Variants in MBD5 observed in about 807,000 individuals in gnomAD.
The protein encoded by MBD5 is methyl-CpG-binding domain protein 5.
MBD5 carries 13 observed loss-of-function variants against 117.3 expected under a neutral mutation model. The ratio of observed to expected loss-of-function variants is 0.11; its 90% confidence interval spans 0.07 to 0.18. The LOEUF (loss-of-function observed/expected upper bound fraction) is 0.18, where lower values mean the gene tolerates loss of function less well. Ranked by LOEUF, MBD5 falls within the 10% of genes least tolerant of loss-of-function variation. The pLI is 1.00. For missense variants in MBD5, 1,879 were observed against 2,093.8 expected (o/e 0.90, Z 2.00); for synonymous variants, 727 against 766.4 (o/e 0.95, Z 0.85).
intron 8 of MBD5, among the ~76,000 whole-genome samples, chr2:148,476,860 T>C (rs1680981977): frequency 6.6e-6 from 1 of 152,116 alleles, no homozygotes; most frequent in Admixed American, 6.6e-5. Flanking sequence ...AGACTTCCAA[T>C]TGGAATATTG....
At chr2:148,199,621 T>C (rs544320613) in intron 2 of MBD5, among the ~76,000 whole-genome samples, 26 of 152,078 alleles carry the variant, frequency 1.7e-4, no homozygotes, top group African/African-American at 5.5e-4. Context: ...TAGCTTGGCA[T>C]TGTGGCTTAT....
intron 4 of MBD5, among the ~76,000 whole-genome samples, chr2:148,439,922 G>A (rs988933073): frequency 6.6e-6 from 1 of 151,910 alleles, no homozygotes; most frequent in South Asian, 2.1e-4. Context: ...AAAATTTTTT[G>A]TAGAAACAGG....
chr2:148,335,346 A>G (rs1434860444), intron 3 of MBD5, among the ~76,000 whole-genome samples: 1 of 151,876 alleles, frequency 6.6e-6, no homozygotes, highest in Non-Finnish European at 1.5e-5. Context: ...CCACCGCCAC[A>G]CTCCAGCCTA....
intron 4 of MBD5, among the ~76,000 whole-genome samples, chr2:148,424,204 A>AAAAC (rs1705705142): frequency 7.6e-6 from 1 of 131,602 alleles, no homozygotes; most frequent in African/African-American, 3.0e-5. Flanking sequence ...AAAAAAAAAA[A>AAAAC]AAAAAAAAAA....
chr2:148,222,252 G>T (rs940890573), intron 2 of MBD5, among the ~76,000 whole-genome samples: 1 of 151,896 alleles, frequency 6.6e-6, no homozygotes, highest in Non-Finnish European at 1.5e-5. Flanking sequence ...AATTTTCTGT[G>T]GTTCCATATA....
At position 148,468,744 on chromosome 2, in the gene MBD5, C is replaced by G. The variant is rs747135508; in HGVS notation, c.801C>G (p.His267Gln). 2 of 1,613,414 alleles carry G rather than the reference C, an allele frequency of 1.2e-6. No homozygotes were observed. The highest frequency in any genetic ancestry group is 2.2e-5 in the East Asian group (1 of 44,850). The change falls in exon 8 of 14, where the codon CAC becomes CAG. Residue 267 changes from histidine (H) to glutamine (Q), a missense_variant. His to Gln is a conservative substitution (Grantham distance 24, BLOSUM62 0). Around this residue, in one of 4 missense-constraint regions of MBD5, gnomAD observed 1,666 missense variants for 1,792.2 expected, o/e 0.93. Transcript: ENST00000642680. ...GAGCTCCCAATTCTAGTCCTATTCA[C>G]CTGAATAGGACTCCTCTTTCTCCAC... ...FHGAPNSSPI[H>Q]LNRTPLSPPS... is the part of the protein sequence containing the mutation.
intron 4 of MBD5, among the ~76,000 whole-genome samples, chr2:148,406,447 CT>C (rs910755896): frequency 6.6e-6 from 1 of 152,132 alleles, no homozygotes; most frequent in Non-Finnish European, 1.5e-5. Context: ...AGATTGTCAG[CT>C]TTTATCACAA....
chr2:148,174,575 A>G lies in MBD5; in HGVS notation c.-924-4125A>G, dbSNP rs80343791. On this transcript the variant is annotated intron_variant, in intron 1 of 13. Coordinates refer to ENST00000642680, the MANE Select transcript of MBD5 (RefSeq NM_001378120.1). ...AATAAGGGGTTAATATCCAAAATAT[A>G]TAAGAAGCCGAAACACCTGAATAGC... 2.2e-3 allele frequency among the ~76,000 whole-genome samples: 337 copies of G among 152,196 alleles called. 7 individuals carry two copies. In the East Asian group the frequency reaches 0.055, roughly 25 times the overall value.
chr2:148,127,701 A>T (rs555006885), intron 1 of MBD5, among the ~76,000 whole-genome samples: 1 of 152,276 alleles, frequency 6.6e-6, no homozygotes, highest in East Asian at 1.9e-4. Flanking sequence ...ATACGCATGC[A>T]TGTATCTTTA....
chr2:148,247,811 T>C lies in MBD5; in HGVS notation c.-680+14416T>C, dbSNP rs112393731. 2.1e-3 allele frequency among the ~76,000 whole-genome samples: 315 copies of C among 152,140 alleles called. 1 individual carries two copies. The highest frequency in any genetic ancestry group is 7.3e-3 in the African/African-American group (303 of 41,534). ...AGGATTAAAGATATTCTAAAAGAAA[T>C]AATGTAAAGGATAAAGCTGAGGGGA... On this transcript the variant is annotated intron_variant, in intron 3 of 13. Transcript: ENST00000642680.
chr2:148,203,265 A>T (rs1310476130), intron 2 of MBD5, among the ~76,000 whole-genome samples: 1 of 152,226 alleles, frequency 6.6e-6, no homozygotes, highest in Non-Finnish European at 1.5e-5. Context: ...GAAGATGCTG[A>T]TTTTCTTAAC....
intron 1 of MBD5, among the ~76,000 whole-genome samples, chr2:148,099,672 C>T (rs897648897): frequency 6.6e-6 from 1 of 152,042 alleles, no homozygotes; most frequent in Non-Finnish European, 1.5e-5. Context: ...AATGTTTTAC[C>T]ACTGAAATTC....
intron 1 of MBD5, among the ~76,000 whole-genome samples, chr2:148,043,846 C>G (rs1178595748): frequency 1.3e-5 from 2 of 152,102 alleles, no homozygotes; most frequent in Non-Finnish European, 2.9e-5. Context: ...TATTTCCAGT[C>G]TTTTGTAAAA....
intron 1 of MBD5, among the ~76,000 whole-genome samples, chr2:148,130,634 T>C (rs1392878525): frequency 1.3e-5 from 2 of 152,110 alleles, no homozygotes; most frequent in East Asian, 1.9e-4. Context: ...AAAGAGGTTC[T>C]TATGACTCCT....
chr2:148,065,752 C>T (rs1695171270), intron 1 of MBD5, among the ~76,000 whole-genome samples: 1 of 152,134 alleles, frequency 6.6e-6, no homozygotes, highest in Non-Finnish European at 1.5e-5. Context: ...GAATTATAGA[C>T]TTTTCAGTAG....
chr2:148,463,835 A>C lies in MBD5; in HGVS notation c.313A>C (p.Lys105Gln). 1 of 1,613,860 alleles carries C rather than the reference A, an allele frequency of 6.2e-7. No individual in the cohort carries two copies. Among genetic ancestry groups the C allele is most frequent in the East Asian group, 2.2e-5 (1 of 44,872 alleles). ...DVTKLCIHKRKIIAVATLHKS... is the reference protein window; with the variant it reads ...DVTKLCIHKRQIIAVATLHKS... ...CACAAAGCTATGCATACATAAAAGA[A>C]AAATTATTGCAGTGGCCACACTTCA... Residue 105 changes from lysine (K) to glutamine (Q), a missense_variant, in exon 7 of 14, where the codon AAA becomes CAA. By Grantham distance (53) the Lys-to-Gln change is moderately conservative. Transcript: ENST00000642680.
intron 4 of MBD5, among the ~76,000 whole-genome samples, chr2:148,364,481 T>C (rs1703635437): frequency 6.6e-6 from 1 of 152,168 alleles, no homozygotes; most frequent in Non-Finnish European, 1.5e-5. Flanking sequence ...CAGGATCAAA[T>C]TCACACATAA....
At chr2:148,388,094 A>G (rs1482253139) in intron 4 of MBD5, among the ~76,000 whole-genome samples, 3 of 152,222 alleles carry the variant, frequency 2.0e-5, no homozygotes, top group Non-Finnish European at 4.4e-5. Context: ...AAGATTTAAG[A>G]AAGTGTGTTA....
Position 148,468,797 on chromosome 2 carries a change from T to TAC in MBD5, c.856_857dup (p.Gln286HisfsTer19). ...TCAGTAATGCTACATGGTTCTCCTG[T>TAC]ACAGTCATCCTGTGCAATGGCTGGA... On this transcript the variant is annotated frameshift_variant, in exon 8 of 14. Coordinates refer to ENST00000642680, the MANE Select transcript of MBD5 (RefSeq NM_001378120.1). LOFTEE classifies it high-confidence loss of function. 1 of 1,613,666 alleles carries TAC rather than the reference T, an allele frequency of 6.2e-7. No homozygotes were observed. The highest frequency in any genetic ancestry group is 8.5e-7 in the Non-Finnish European group (1 of 1,179,622).
Sources: gnomAD v4.1 joint callset for allele counts (sites outside exome capture counted in the v4.1 genomes callset) on GRCh38, gnomAD v4.1.1 for gene constraint, gnomAD v4.1.1 regional missense constraint, MANE v1.5 for transcripts, NCBI Gene and HGNC (gene_info 2026-07-23, HGNC 2026-07-21) for gene names.